CRBN: variants seen among roughly 807,000 people sequenced by gnomAD.
The protein encoded by CRBN is protein cereblon.
Under a neutral mutation model 62.2 loss-of-function variants are expected in CRBN, and 53 were observed. The observed-to-expected ratio is 0.85, with a 90% CI of 0.68 to 1.07. The LOEUF (loss-of-function observed/expected upper bound fraction) is 1.07, where lower values mean the gene tolerates loss of function less well. Among genes scored for constraint, CRBN ranks in the 50% least tolerant of loss-of-function variants. CRBN has a pLI of 0.00. For synonymous variants in CRBN, 208 were observed against 176.1 expected, an observed-to-expected ratio of 1.18 and a Z score of -1.43; for missense variants, 616 against 531.1, an observed-to-expected ratio of 1.16 and a Z score of -1.57.
At chr3:3,172,948 A>G (rs761997731) in intron 3 of CRBN, 23 bp from the exon 4 acceptor site, 16 of 1,607,248 alleles carry the variant, frequency 1.0e-5, no homozygotes, top group African/African-American at 5.3e-5. Flanking sequence ...TTTTAAAAGG[A>G]AAGAATTTTG....
chr3:3,172,449 A>C (rs1055279344), intron 4 of CRBN: 2 of 333,802 alleles, frequency 6.0e-6, no homozygotes, highest in South Asian at 3.1e-5. Context: ...ATCCCAAACA[A>C]CACTTCCCTT....
In CRBN at chr3:3,153,721, G is replaced by A. The variant is rs867924924; in HGVS notation, c.952-233C>T. The A allele has an allele frequency of 5.9e-5, 36 of 613,502 alleles. No individual in the cohort carries two copies. In the Middle Eastern group the frequency reaches 2.9e-3, roughly 49 times the overall value. 38.0% of individuals were successfully genotyped at this position (613,502 alleles called of 1,614,324 possible). ...TGACCTTCTCTAGAGTAAAGGAATAGTGATATATAACCTTGGATATTTCCA... is the reference window on the plus strand; with the variant it reads ...TGACCTTCTCTAGAGTAAAGGAATAATGATATATAACCTTGGATATTTCCA... On this transcript the variant is annotated intron_variant, in intron 8 of 10. Coordinates refer to ENST00000231948, the MANE Select transcript of CRBN (RefSeq NM_016302.4).
At chr3:3,167,232 T>C (rs1707385601) in intron 5 of CRBN, among the ~76,000 whole-genome samples, 1 of 152,112 alleles carries the variant, frequency 6.6e-6, no homozygotes. Context: ...TCTCTCTGGT[T>C]TGGAAGAAGG....
At chr3:3,172,577 G>C (rs1013847057) in intron 4 of CRBN, 199 bp downstream of exon 4, 1 of 600,512 alleles carries the variant, frequency 1.7e-6, no homozygotes, top group Non-Finnish European at 2.9e-6. Flanking sequence ...TGGAACTCAA[G>C]CTTCTATAGT....
intron 5 of CRBN, chr3:3,156,700 C>T (rs1194817132): frequency 4.9e-6 from 1 of 203,888 alleles, no homozygotes; most frequent in Non-Finnish European, 1.0e-5. Flanking sequence ...TCAGCTGAAT[C>T]ACTATAAGGG....
rs553504633 is a variant in CRBN at position 3,152,930 on chromosome 3, G to A, written c.1017-343C>T. ...AAGTGCAATGACAAGGTCCTGTGTG[G>A]TCATTTTGGGGCAGTTGATTATTTT... On this transcript the variant is annotated intron_variant, in intron 9 of 10. Coordinates refer to ENST00000231948, the MANE Select transcript of CRBN (RefSeq NM_016302.4). 2.1e-5 allele frequency: 7 copies of A among 330,388 alleles called. No individual in the cohort carries two copies. In the East Asian group the frequency reaches 4.9e-4, roughly 23 times the overall value. 20.5% of individuals were successfully genotyped at this position (330,388 alleles called of 1,614,324 possible). A position where few individuals can be genotyped will look rare whatever the true frequency, so the allele number is the denominator to read the frequency against.
chr3:3,165,661 A>T (rs1373844135), intron 5 of CRBN, among the ~76,000 whole-genome samples: 1 of 152,202 alleles, frequency 6.6e-6, no homozygotes, highest in African/African-American at 2.4e-5. Flanking sequence ...TGTGAATAAA[A>T]CTTTTATATG....
At chr3:3,154,526 T>C (rs1270199710) in intron 7 of CRBN, 4 of 546,368 alleles carry the variant, frequency 7.3e-6, no homozygotes, top group Admixed American at 3.3e-5. Context: ...TATGGAAAAC[T>C]TGTCTAAAAT....
chr3:3,154,818 T>TC lies in CRBN; in HGVS notation c.763dup (p.Asp255GlyfsTer9). 6.3e-7 allele frequency: 1 copy of TC among 1,587,050 alleles called. No homozygotes were observed. Among genetic ancestry groups the TC allele is most frequent in the Non-Finnish European group, 8.7e-7 (1 of 1,155,438 alleles). On this transcript the variant is annotated frameshift_variant, in exon 7 of 11. Coordinates refer to ENST00000231948, the MANE Select transcript of CRBN (RefSeq NM_016302.4). LOFTEE classifies it high-confidence loss of function. Reference sequence around the variant, plus strand: ...TTCACGTAGCTGTTTCTTGATTCTGTCCATTAAGGTCTCCTTGTTTAAAAT... The same window carrying TC: ...TTCACGTAGCTGTTTCTTGATTCTGTCCCATTAAGGTCTCCTTGTTTAAAAT...
chr3:3,152,512 C>CTTA lies in CRBN; in HGVS notation c.1089_1091dup (p.Tyr363_Lys364insAsn). The CTTA allele has an allele frequency of 7.4e-6, 12 of 1,614,032 alleles. No individual in the cohort carries two copies. The highest frequency in any genetic ancestry group is 1.0e-5 in the Non-Finnish European group (12 of 1,179,980). On this transcript the variant is annotated inframe_insertion, in exon 10 of 11. Coordinates refer to ENST00000231948, the MANE Select transcript of CRBN (RefSeq NM_016302.4). Reference sequence around the variant, plus strand: ...GGCCTATCAGATTCAAGTTGCAAGCCTTATACACAGTAAGTGTCTCATGCA... The same window carrying CTTA: ...GGCCTATCAGATTCAAGTTGCAAGCCTTATTATACACAGTAAGTGTCTCATGCA...
At chr3:3,157,037 C>T (rs1310212157) in intron 5 of CRBN, among the ~76,000 whole-genome samples, 2 of 152,078 alleles carry the variant, frequency 1.3e-5, no homozygotes, top group African/African-American at 2.4e-5. Flanking sequence ...ATTACATATT[C>T]AGTGCAATAC....
intron 5 of CRBN, among the ~76,000 whole-genome samples, chr3:3,166,008 G>T (rs1464837722): frequency 2.0e-5 from 3 of 152,076 alleles, no homozygotes; most frequent in Non-Finnish European, 4.4e-5. Flanking sequence ...ATGACTATGG[G>T]AGCAAAATTT....
intron 6 of CRBN, chr3:3,155,133 C>A: frequency 2.5e-6 from 1 of 396,490 alleles, no homozygotes; most frequent in Non-Finnish European, 4.6e-6. Flanking sequence ...CTTCTGCCTT[C>A]TATTAGGCCA....
chr3:3,175,878 G>T (rs1334950927), intron 1 of CRBN, among the ~76,000 whole-genome samples: 2 of 152,102 alleles, frequency 1.3e-5, no homozygotes, highest in Non-Finnish European at 2.9e-5. Context: ...GAAGTGAAGT[G>T]TTGTTATTCT....
At chr3:3,170,087 C>G (rs975572297) in intron 4 of CRBN, among the ~76,000 whole-genome samples, 4 of 152,128 alleles carry the variant, frequency 2.6e-5, no homozygotes, top group African/African-American at 4.8e-5. Context: ...TCAAGTGGTT[C>G]TCATGCCTCA....
chr3:3,179,322 AT>A (rs1707966270), intron 1 of CRBN, among the ~76,000 whole-genome samples: 1 of 152,168 alleles, frequency 6.6e-6, no homozygotes. Flanking sequence ...GTTTCAGAGC[AT>A]TTCCTAGGAG....
At chr3:3,154,559 G>A (rs1340026363) in intron 7 of CRBN, 188 bp downstream of exon 7, 5 of 581,354 alleles carry the variant, frequency 8.6e-6, no homozygotes, top group Non-Finnish European at 1.5e-5. Flanking sequence ...AGAATATGAG[G>A]ATTTTATTGC....
Position 3,175,250 on chromosome 3 carries a change from A to C in CRBN, c.87T>G (p.Asp29Glu). ...TATCCTGGTCTTCAACTTCCATTTC[A>C]TCTTCTTCCTCACTCTCTGCTATAA... ...PLLPAESEEE[D>E]EMEVEDQDSK... is the part of the protein sequence containing the mutation. Residue 29 changes from aspartate (D) to glutamate (E), a missense_variant, in exon 2 of 11, where the codon GAT (aspartate) becomes GAG (glutamate). Transcript: ENST00000231948. The C allele has an allele frequency of 6.2e-7, 1 of 1,611,258 alleles. No homozygotes were observed.
At chr3:3,163,642 G>C (rs562504748) in intron 5 of CRBN, among the ~76,000 whole-genome samples, 1 of 152,332 alleles carries the variant, frequency 6.6e-6, no homozygotes, top group South Asian at 2.1e-4. Context: ...CAGAGCACTT[G>C]AGTCAGGAAT....
Sources: allele counts gnomAD v4.1 joint callset (sites outside exome capture counted in the v4.1 genomes callset), GRCh38; gene constraint gnomAD v4.1.1; transcripts MANE v1.5; gene names NCBI Gene and HGNC (gene_info 2026-07-23, HGNC 2026-07-21).